The following CNTNAP2 variants were observed in gnomAD, a reference collection of about 807,000 sequenced individuals.
The protein encoded by CNTNAP2 is contactin associated protein 2, also known as contactin-associated protein-like 2.
Under a neutral mutation model 155.2 loss-of-function variants are expected in CNTNAP2, and 98 were observed. The ratio of observed to expected loss-of-function variants is 0.63; its 90% confidence interval spans 0.54 to 0.75. The LOEUF is 0.75. CNTNAP2 is among the 30% of genes least tolerant of loss of function. CNTNAP2 has a pLI of 0.00. For missense variants in CNTNAP2, 1,727 were observed against 1,688.1 expected (o/e 1.02, Z -0.40); for synonymous variants, 651 against 631.2 (o/e 1.03, Z -0.47).
intron 23 of CNTNAP2, among the ~76,000 whole-genome samples, chr7:148,413,645 CT>C (rs1799907731): frequency 6.6e-6 from 1 of 151,400 alleles, no homozygotes; most frequent in Non-Finnish European, 1.5e-5. Flanking sequence ...TTCAATTGTT[CT>C]ATCAGTTACT....
intron 13 of CNTNAP2, among the ~76,000 whole-genome samples, chr7:147,674,010 T>C (rs560218138): frequency 6.6e-6 from 1 of 152,294 alleles, no homozygotes; most frequent in Admixed American, 6.5e-5. Context: ...TGGTGTATCA[T>C]TAAATGCACT....
At chr7:146,987,941 A>G (rs1798142733) in intron 3 of CNTNAP2, among the ~76,000 whole-genome samples, 1 of 152,158 alleles carries the variant, frequency 6.6e-6, no homozygotes, top group Non-Finnish European at 1.5e-5. Flanking sequence ...AACCTAGCAT[A>G]GTATAATGAC....
At chr7:146,312,800 T>C (rs1281226547) in intron 1 of CNTNAP2, among the ~76,000 whole-genome samples, 2 of 152,224 alleles carry the variant, frequency 1.3e-5, no homozygotes, top group Admixed American at 6.5e-5. Context: ...ATAAGTGAGA[T>C]CATACCGTAT....
intron 1 of CNTNAP2, among the ~76,000 whole-genome samples, chr7:146,678,588 G>A (rs189077330): frequency 6.6e-6 from 1 of 152,168 alleles, no homozygotes; most frequent in African/African-American, 2.4e-5. Flanking sequence ...GACCTATTAG[G>A]TTTCACTAGA....
At chr7:146,856,085 A>G (rs1794976301) in intron 3 of CNTNAP2, among the ~76,000 whole-genome samples, 1 of 13,224 alleles carries the variant, frequency 7.6e-5, no homozygotes, top group South Asian at 8.5e-4. Flanking sequence ...GATGGTTAAT[A>G]CAAAATTACA....
intron 17 of CNTNAP2, among the ~76,000 whole-genome samples, chr7:148,148,901 A>C (rs989164465): frequency 6.6e-6 from 1 of 152,244 alleles, no homozygotes; most frequent in Non-Finnish European, 1.5e-5. Context: ...CCTAATTACA[A>C]CTGGAAATCA....
intron 12 of CNTNAP2, among the ~76,000 whole-genome samples, chr7:147,634,596 T>C (rs188470517): frequency 2.8e-4 from 43 of 151,914 alleles, no homozygotes; most frequent in Non-Finnish European, 5.9e-4. Context: ...AATACTGAAA[T>C]GAAATAAAAA....
At chr7:148,369,156 A>G (rs935839294) in intron 21 of CNTNAP2, among the ~76,000 whole-genome samples, 2 of 111,838 alleles carry the variant, frequency 1.8e-5, no homozygotes, top group Non-Finnish European at 3.6e-5. Context: ...ATATTTTTAT[A>G]TTTTTTTTAA....
intron 1 of CNTNAP2, among the ~76,000 whole-genome samples, chr7:146,612,269 A>G (rs1799151676): frequency 6.6e-6 from 1 of 152,188 alleles, no homozygotes; most frequent in African/African-American, 2.4e-5. Context: ...TCATACTCAC[A>G]TGGACCTTTT....
At chr7:146,461,856 C>T (rs778770259) in intron 1 of CNTNAP2, among the ~76,000 whole-genome samples, 14 of 152,138 alleles carry the variant, frequency 9.2e-5, no homozygotes, top group African/African-American at 1.2e-4. Flanking sequence ...GGAAAATCAA[C>T]GTAGACTAGG....
intron 13 of CNTNAP2, among the ~76,000 whole-genome samples, chr7:147,787,562 G>A (rs1378239337): frequency 5.3e-5 from 8 of 152,164 alleles, no homozygotes; most frequent in Non-Finnish European, 1.2e-4. Flanking sequence ...ATAGCCTAGA[G>A]CTGTACTTTA....
At chr7:148,029,589 G>C (rs1157690113) in intron 15 of CNTNAP2, among the ~76,000 whole-genome samples, 1 of 152,180 alleles carries the variant, frequency 6.6e-6, no homozygotes, top group Non-Finnish European at 1.5e-5. Context: ...TGGGTAAATG[G>C]AGATATTGTT....
chr7:147,048,619 A>G (rs564511934), intron 4 of CNTNAP2, among the ~76,000 whole-genome samples: 6 of 152,340 alleles, frequency 3.9e-5, no homozygotes, highest in Admixed American at 2.6e-4. Flanking sequence ...GATGTTGTCA[A>G]TATGCTCTAG....
intron 22 of CNTNAP2, among the ~76,000 whole-genome samples, chr7:148,392,201 G>A (rs1799366489): frequency 7.2e-6 from 1 of 138,458 alleles, no homozygotes; most frequent in South Asian, 2.1e-4. Flanking sequence ...GGCCTCCTGA[G>A]TAGCTGGGAC....
intron 10 of CNTNAP2, among the ~76,000 whole-genome samples, chr7:147,431,050 CAAA>C (rs34150647): frequency 8.1e-5 from 10 of 124,038 alleles, no homozygotes; most frequent in African/African-American, 1.9e-4. Context: ...GACTCCATCT[CAAA>C]AAAAAAAAAA....
rs376861905 is a variant in CNTNAP2, at chr7:148,266,995, A to T, written c.3382-38A>T. On this transcript the variant is annotated intron_variant, in intron 20 of 23. Coordinates refer to ENST00000361727, the MANE Select transcript of CNTNAP2 (RefSeq NM_014141.6). ...AGATTTGGTTCCACACAGGGTAGAG[A>T]CGTGCTTCTAAAAGTGTCTCTTGTT... 2.6e-4 allele frequency: 408 copies of T among 1,581,182 alleles called. 6 individuals carry two copies. The South Asian group carries it at 4.2e-3, about 16-fold the overall frequency.
chr7:146,816,035 GT>G (rs1585104002), intron 2 of CNTNAP2, among the ~76,000 whole-genome samples: 2 of 152,236 alleles, frequency 1.3e-5, no homozygotes, highest in East Asian at 3.9e-4. Context: ...CCTTGTGATA[GT>G]TTGCTCAGAA....
At chr7:147,641,780 A>C (rs1219254543) in intron 13 of CNTNAP2, among the ~76,000 whole-genome samples, 2 of 152,056 alleles carry the variant, frequency 1.3e-5, no homozygotes, top group Admixed American at 6.6e-5. Context: ...CCTCACCAGA[A>C]ACAGAATCAG....
At chr7:147,978,166 G>A (rs1207435310) in intron 15 of CNTNAP2, 177 bp downstream of exon 15, 3 of 821,294 alleles carry the variant, frequency 3.7e-6, no homozygotes, top group East Asian at 5.5e-5. Flanking sequence ...CTCCAGTACA[G>A]GAGCCGAGAT....
Sources: allele counts gnomAD v4.1 joint callset (sites outside exome capture counted in the v4.1 genomes callset), GRCh38; gene constraint gnomAD v4.1.1; transcripts MANE v1.5; gene names NCBI Gene and HGNC (gene_info 2026-07-23, HGNC 2026-07-21).